Variants in LGSN observed in about 807,000 individuals in gnomAD.
LGSN encodes lengsin, lens protein with glutamine synthetase domain.
LGSN carries 21 observed loss-of-function variants against 19.5 expected under a neutral mutation model. The observed-to-expected ratio is 1.07, with a 90% CI of 0.76 to 1.55. The LOEUF is 1.55. Ranked by LOEUF, LGSN falls within the 40% of genes most tolerant of loss-of-function variation. LGSN has a pLI of 0.00. For synonymous variants in LGSN, 257 were observed against 215.6 expected, an observed-to-expected ratio of 1.19 and a Z score of -1.68; for missense variants, 673 against 608.5, an observed-to-expected ratio of 1.11 and a Z score of -1.12.
the LGSN span, among the ~76,000 whole-genome samples, chr6:63,546,959 T>A: frequency 1.3e-5 from 2 of 152,230 alleles, no homozygotes; most frequent in Non-Finnish European, 2.9e-5. Flanking sequence ...TTAATTTTTG[T>A]CAATTACTCT....
Position 63,280,721 on chromosome 6 carries a change from C to A in LGSN, c.830G>T (p.Ser277Ile). The A allele has an allele frequency of 6.2e-7, 1 of 1,614,088 alleles. No homozygotes were observed. Among genetic ancestry groups the A allele is most frequent in the Non-Finnish European group, 8.5e-7 (1 of 1,180,020 alleles). The change falls in exon 4 of 4, where the codon AGC (serine) becomes ATC (isoleucine). Residue 277 changes from serine to isoleucine, a missense_variant. By Grantham distance (142) the Ser-to-Ile change is moderately radical. Transcript: ENST00000370657. The part of the protein sequence containing the change: ...EISFLPEFGI[S>I]SADNAFTLRT... ...GAGGGTAAATGCATTATCAGCTGAG[C>A]TAATGCCAAATTCAGGCAGGAAAGA... is the stretch of plus-strand genomic sequence containing the variant.
chr6:63,318,116 T>C (rs1344353331), intron 1 of LGSN, among the ~76,000 whole-genome samples: 1 of 152,202 alleles, frequency 6.6e-6, no homozygotes, highest in Non-Finnish European at 1.5e-5. Context: ...AGCATTGTTT[T>C]AAATAGAGAA....
chr6:63,559,573 T>C, the LGSN span, among the ~76,000 whole-genome samples: 8 of 151,932 alleles, frequency 5.3e-5, no homozygotes, highest in Non-Finnish European at 1.2e-4. Context: ...GGTGAAACCC[T>C]GTCTCTACTA....
At chr6:63,428,782 T>C in the LGSN span, among the ~76,000 whole-genome samples, 2 of 152,218 alleles carry the variant, frequency 1.3e-5, no homozygotes, top group African/African-American at 4.8e-5. Flanking sequence ...TCCAAAGAAA[T>C]GTCCTCAAAG....
At chr6:63,337,245 G>A in the LGSN span, among the ~76,000 whole-genome samples, 1 of 151,656 alleles carries the variant, frequency 6.6e-6, no homozygotes, top group African/African-American at 2.4e-5. Context: ...ATGTAATGTA[G>A]TTTCCTAAAA....
chr6:63,322,851 A>G (rs1769117133), upstream of LGSN, among the ~76,000 whole-genome samples: 1 of 152,196 alleles, frequency 6.6e-6, no homozygotes, highest in Non-Finnish European at 1.5e-5. Flanking sequence ...GCGGAAACAC[A>G]CATTGGCAGG....
chr6:63,448,421 A>G, the LGSN span, among the ~76,000 whole-genome samples: 2 of 152,280 alleles, frequency 1.3e-5, no homozygotes, highest in South Asian at 4.1e-4. Context: ...TAAGTATTTT[A>G]AGCATGAGTC....
At chr6:63,401,168 A>C in the LGSN span, among the ~76,000 whole-genome samples, 3 of 151,924 alleles carry the variant, frequency 2.0e-5, no homozygotes, top group Non-Finnish European at 2.9e-5. Flanking sequence ...CTTAGTTACA[A>C]AGCTAGTTTC....
the LGSN span, among the ~76,000 whole-genome samples, chr6:63,554,935 C>T: frequency 1.3e-5 from 2 of 152,324 alleles, no homozygotes; most frequent in South Asian, 4.1e-4. Flanking sequence ...ATGTTAGAAT[C>T]ATACAAAGAG....
the LGSN span, among the ~76,000 whole-genome samples, chr6:63,527,561 C>G: frequency 1.3e-5 from 2 of 152,128 alleles, no homozygotes; most frequent in African/African-American, 4.8e-5. Context: ...AATATTTTCA[C>G]TTTTCTAGAT....
chr6:63,559,941 C>T, the LGSN span, among the ~76,000 whole-genome samples: 7 of 151,902 alleles, frequency 4.6e-5, no homozygotes, highest in East Asian at 3.9e-4. Flanking sequence ...GGTGTTTTTT[C>T]GTGACAACAG....
At chr6:63,482,856 A>G in the LGSN span, among the ~76,000 whole-genome samples, 1 of 152,026 alleles carries the variant, frequency 6.6e-6, no homozygotes, top group African/African-American at 2.4e-5. Flanking sequence ...GCGCACCACC[A>G]TGCCCTGCTA....
the LGSN span, among the ~76,000 whole-genome samples, chr6:63,369,934 C>T: frequency 8.7e-3 from 1,326 of 151,884 alleles, 23 homozygotes; most frequent in African/African-American, 0.03. Context: ...CTCAGGAGGC[C>T]GAGGCTGCAG....
At chr6:63,537,893 T>C in the LGSN span, among the ~76,000 whole-genome samples, 5 of 152,036 alleles carry the variant, frequency 3.3e-5, no homozygotes, top group Non-Finnish European at 7.4e-5. Flanking sequence ...TTGGGGAGAA[T>C]CCTACCAATG....
At chr6:63,460,171 C>G in the LGSN span, among the ~76,000 whole-genome samples, 66 of 136,534 alleles carry the variant, frequency 4.8e-4, no homozygotes, top group African/African-American at 1.7e-3. Context: ...TGCTGGCCAG[C>G]CTGGTCTCGA....
chr6:63,499,441 TATTAGA>T, the LGSN span, among the ~76,000 whole-genome samples: 1 of 152,132 alleles, frequency 6.6e-6, no homozygotes, highest in Admixed American at 6.5e-5. Flanking sequence ...GATTGTTATA[TATTAGA>T]TTCCTGAAAA....
the LGSN span, among the ~76,000 whole-genome samples, chr6:63,454,245 A>G: frequency 6.6e-6 from 1 of 152,106 alleles, no homozygotes; most frequent in African/African-American, 2.4e-5. Flanking sequence ...GGCTATTAGC[A>G]TTTTGCATGA....
At chr6:63,412,614 AAAGGGAAAG>A in the LGSN span, among the ~76,000 whole-genome samples, 2 of 144,806 alleles carry the variant, frequency 1.4e-5, no homozygotes, top group Non-Finnish European at 3.0e-5. Flanking sequence ...AAAGAAAGGG[AAAGGGAAAG>A]AAGGGAAAGA....
the LGSN span, among the ~76,000 whole-genome samples, chr6:63,358,489 G>C: frequency 3.9e-5 from 6 of 151,952 alleles, no homozygotes; most frequent in Admixed American, 2.0e-4. Context: ...CCATTTGTTT[G>C]TATCCTCTTT....
Sources: allele counts gnomAD v4.1 joint callset (sites outside exome capture counted in the v4.1 genomes callset), GRCh38; gene constraint gnomAD v4.1.1; transcripts MANE v1.5; gene names NCBI Gene and HGNC (gene_info 2026-07-23, HGNC 2026-07-21).